Variants in SLC9A2 observed in about 807,000 individuals in gnomAD.
SLC9A2 encodes the protein solute carrier family 9 member A2.
SLC9A2 carries 42 observed loss-of-function variants against 71.7 expected under a neutral mutation model. That is an observed-to-expected ratio of 0.59 (90% CI 0.46 to 0.76). The LOEUF (loss-of-function observed/expected upper bound fraction) is 0.76, where lower values mean the gene tolerates loss of function less well. Ranked by LOEUF, SLC9A2 falls within the 30% of genes least tolerant of loss-of-function variation. SLC9A2 has a pLI of 0.00. For synonymous variants in SLC9A2, 396 were observed against 392.5 expected (o/e 1.01, Z -0.10); for missense variants, 829 against 1,017.4 (o/e 0.81, Z 2.52).
At chr2:102,640,490 G>C (rs1464066821) in intron 1 of SLC9A2, among the ~76,000 whole-genome samples, 1 of 152,160 alleles carries the variant, frequency 6.6e-6, no homozygotes, top group South Asian at 2.1e-4. Flanking sequence ...GCTCAGGTTC[G>C]ATCATTTGCT....
chr2:102,696,523 G>A (rs1269902643), intron 7 of SLC9A2, among the ~76,000 whole-genome samples: 1 of 152,162 alleles, frequency 6.6e-6, no homozygotes, highest in Non-Finnish European at 1.5e-5. Context: ...AGAAGTATAA[G>A]CCATAGACTC....
rs769032201 is a variant in SLC9A2, at chr2:102,701,200, A to C, written c.1717A>C (p.Ile573Leu). 1.2e-6 allele frequency: 2 copies of C among 1,610,354 alleles called. No individual in the cohort carries two copies. Among genetic ancestry groups the C allele is most frequent in the Non-Finnish European group, 8.5e-7 (1 of 1,178,826 alleles). Residue 573 changes from isoleucine to leucine, a missense_variant, in exon 8 of 12, where the codon ATA becomes CTA. Ile to Leu is a conservative substitution (Grantham distance 5). This residue lies in a region of SLC9A2 where 500 missense variants were observed against 726.3 expected (regional missense o/e 0.69). Coordinates refer to ENST00000233969, the MANE Select transcript of SLC9A2 (RefSeq NM_003048.6). ...HAIEMAETGM[I>L]STVPTFASLN... ...CATTGAGATGGCAGAGACTGGGATG[A>C]TAAGTACTGTCCCTACATTTGCATC... is the stretch of plus-strand genomic sequence containing the variant.
At chr2:102,648,447 C>A (rs549116471) in intron 1 of SLC9A2, among the ~76,000 whole-genome samples, 1 of 152,214 alleles carries the variant, frequency 6.6e-6, no homozygotes, top group East Asian at 1.9e-4. Context: ...ACAAGGATGC[C>A]CTCTCTCGCC....
At chr2:102,624,445 A>G (rs1676205868) in intron 1 of SLC9A2, among the ~76,000 whole-genome samples, 1 of 152,138 alleles carries the variant, frequency 6.6e-6, no homozygotes, top group Non-Finnish European at 1.5e-5. Context: ...AAATTTTCTG[A>G]TGTGTTTTAA....
rs142373022 is a variant in SLC9A2 at position 102,662,515 on chromosome 2, A to C, written c.754-2585A>C. Among the ~76,000 whole-genome samples, 714 of 152,290 alleles carry C rather than the reference A, an allele frequency of 4.7e-3. 4 individuals are homozygous for C. The highest frequency in any genetic ancestry group is 0.016 in the African/African-American group (667 of 41,570). On this transcript the variant is annotated intron_variant, in intron 2 of 11. Coordinates refer to ENST00000233969, the MANE Select transcript of SLC9A2 (RefSeq NM_003048.6). Reference sequence around the variant, plus strand: ...AAGATGCTGAATTTTCTGGGAGATCATCTGTGGTGCAGGAGGTCAGAGAGC... The same window carrying C: ...AAGATGCTGAATTTTCTGGGAGATCCTCTGTGGTGCAGGAGGTCAGAGAGC...
chr2:102,666,691 C>T (rs1410449127), intron 3 of SLC9A2, among the ~76,000 whole-genome samples: 2 of 152,094 alleles, frequency 1.3e-5, no homozygotes, highest in South Asian at 2.1e-4. Context: ...TTGAAGGAGG[C>T]GGAGGCTGCT....
chr2:102,664,239 G>A (rs1427477765), intron 2 of SLC9A2, among the ~76,000 whole-genome samples: 18 of 148,968 alleles, frequency 1.2e-4, no homozygotes, highest in South Asian at 6.4e-4. Context: ...TCAAGATCAC[G>A]CCACTGTACT....
chr2:102,631,373 C>A (rs1461996355), intron 1 of SLC9A2, among the ~76,000 whole-genome samples: 1 of 151,528 alleles, frequency 6.6e-6, no homozygotes, highest in Non-Finnish European at 1.5e-5. Context: ...GGAGCCCTTT[C>A]TTTAGTGGTC....
chr2:102,634,106 C>CT (rs911568983), intron 1 of SLC9A2, among the ~76,000 whole-genome samples: 1 of 151,920 alleles, frequency 6.6e-6, no homozygotes, highest in Non-Finnish European at 1.5e-5. Context: ...TGGAGAAACT[C>CT]TTTTTTTTCA....
intron 11 of SLC9A2, among the ~76,000 whole-genome samples, chr2:102,706,533 C>G (rs1370823447): frequency 6.6e-6 from 1 of 151,942 alleles, no homozygotes; most frequent in African/African-American, 2.4e-5. Context: ...ATGTAACAAA[C>G]CTGCACATTG....
chr2:102,695,825 A>ATAATATATATAT (rs1441215105), intron 7 of SLC9A2, among the ~76,000 whole-genome samples: 4 of 129,078 alleles, frequency 3.1e-5, no homozygotes, highest in Admixed American at 8.5e-5. Context: ...ATATATATAT[A>ATAATATATATAT]AAAAGCTAAA....
At chr2:102,690,968 CAAAAAAAAA>C (rs57709703) in intron 5 of SLC9A2, among the ~76,000 whole-genome samples, 1 of 131,258 alleles carries the variant, frequency 7.6e-6, no homozygotes, top group African/African-American at 2.8e-5. Flanking sequence ...TCATTTTCTT[CAAAAAAAAA>C]AAAAAAAAAA....
Position 102,693,528 on chromosome 2 carries a change from A to T in SLC9A2, c.1426-886A>T, listed in dbSNP as rs78268998. 5.3e-3 allele frequency among the ~76,000 whole-genome samples: 800 copies of T among 152,316 alleles called. 10 individuals are homozygous for T. The highest frequency in any genetic ancestry group is 0.018 in the African/African-American group (754 of 41,568). On this transcript the variant is annotated intron_variant, in intron 5 of 11. Coordinates refer to ENST00000233969, the MANE Select transcript of SLC9A2 (RefSeq NM_003048.6). ...TTTTTCTCCTCCTAGTTTACTGAAG[A>T]GCTGATAGTTCTCCACATTTCCGGA...
intron 1 of SLC9A2, among the ~76,000 whole-genome samples, chr2:102,629,011 T>C (rs1676307564): frequency 6.6e-6 from 1 of 152,300 alleles, no homozygotes; most frequent in Non-Finnish European, 1.5e-5. Flanking sequence ...ATTTATTGTG[T>C]ACAGGATTTT....
intron 1 of SLC9A2, among the ~76,000 whole-genome samples, chr2:102,636,666 G>T (rs2104504887): frequency 6.6e-6 from 1 of 152,276 alleles, no homozygotes; most frequent in Admixed American, 6.5e-5. Context: ...TGAGTTGAGA[G>T]AACGATAAAT....
In SLC9A2 at chr2:102,694,556, TC is replaced by T. The variant is rs1677717602; in HGVS notation, c.1515+54del. 4 of 877,770 alleles carry T rather than the reference TC, an allele frequency of 4.6e-6. No individual in the cohort carries two copies. In the African/African-American group the frequency reaches 6.7e-5, roughly 15 times the overall value. 54.4% of individuals were successfully genotyped at this position (877,770 alleles called of 1,614,324 possible). Reference sequence around the variant, plus strand: ...TAATGATAAAGGAAAAATATTTGAATCAGTCAAACAGCTTGGTACCACGTTG... The same window carrying T: ...TAATGATAAAGGAAAAATATTTGAATAGTCAAACAGCTTGGTACCACGTTG... On this transcript the variant is annotated intron_variant, in intron 6 of 11. Transcript: ENST00000233969.
At chr2:102,665,029 G>C (rs1677107369) in intron 2 of SLC9A2, 71 bp from the exon 3 acceptor site, 2 of 1,495,296 alleles carry the variant, frequency 1.3e-6, no homozygotes. Context: ...CCAGGTAGAT[G>C]TGTTTGTGCC....
intron 1 of SLC9A2, among the ~76,000 whole-genome samples, chr2:102,635,719 G>T (rs774196999): frequency 1.7e-4 from 26 of 152,182 alleles, no homozygotes; most frequent in Non-Finnish European, 3.1e-4. Flanking sequence ...AACCTCAGAA[G>T]AGTCTGTATC....
chr2:102,628,194 A>T lies in SLC9A2; in HGVS notation c.289+8057A>T, dbSNP rs568579943. On this transcript the variant is annotated intron_variant, in intron 1 of 11. Transcript: ENST00000233969. ...TTTAATACAAATAATAATAACAATA[A>T]AGAGAATGGTAAAGACAAAAGATAT... Among the ~76,000 whole-genome samples, 3 of 152,358 alleles carry T rather than the reference A, an allele frequency of 2.0e-5. No individual in the cohort carries two copies. The South Asian group carries it at 6.2e-4, about 32-fold the overall frequency.
Sources: gnomAD v4.1 joint callset for allele counts (sites outside exome capture counted in the v4.1 genomes callset) on GRCh38, gnomAD v4.1.1 for gene constraint, gnomAD v4.1.1 regional missense constraint, MANE v1.5 for transcripts, NCBI Gene and HGNC (gene_info 2026-07-23, HGNC 2026-07-21) for gene names.